AGPAT4: variants seen among roughly 807,000 people sequenced by gnomAD.
The protein encoded by AGPAT4 is 1-acyl-sn-glycerol-3-phosphate acyltransferase delta.
AGPAT4 carries 15 observed loss-of-function variants against 48.0 expected under a neutral mutation model. The ratio of observed to expected loss-of-function variants is 0.31; its 90% CI spans 0.21 to 0.48. The LOEUF (loss-of-function observed/expected upper bound fraction) is 0.48, where lower values mean the gene tolerates loss of function less well. Ranked by LOEUF, AGPAT4 falls within the 20% of genes least tolerant of loss-of-function variation. The pLI is 0.99. For missense variants in AGPAT4, 314 were observed against 482.5 expected, an observed-to-expected ratio of 0.65 and a Z score of 3.27; for synonymous variants, 178 against 198.7, an observed-to-expected ratio of 0.90 and a Z score of 0.88.
rs1312424849 is a variant in AGPAT4 at position 161,149,124 on chromosome 6, T to A, written c.767+63A>T. On this transcript the variant is annotated intron_variant, in intron 6 of 8. Transcript: ENST00000320285. The surrounding 1 kb of genome is among the most constrained non-coding windows in gnomAD (Gnocchi z 6.5). Reference sequence around the variant, plus strand: ...TCCCTGGAAGAAAGTCTCTAGGTCATTTGTGATGTGTTTACTTTGAAATGG... The same window carrying A: ...TCCCTGGAAGAAAGTCTCTAGGTCAATTGTGATGTGTTTACTTTGAAATGG... 1 of 1,574,624 alleles carries A rather than the reference T, an allele frequency of 6.4e-7. No individual in the cohort carries two copies. The highest frequency in any genetic ancestry group is 8.6e-7 in the Non-Finnish European group (1 of 1,162,800).
At chr6:161,268,856 A>G (rs1418249726) in intron 1 of AGPAT4, among the ~76,000 whole-genome samples, 1 of 152,190 alleles carries the variant, frequency 6.6e-6, no homozygotes, top group Non-Finnish European at 1.5e-5. Context: ...TCATGACATC[A>G]GAAAACACAG....
Position 161,165,540 on chromosome 6 carries a change from AATGTACACT to A in AGPAT4, c.348+699_348+707del. Reference sequence around the variant, plus strand: ...TTAGGACCTTTCCTAGCCCCAGACCAATGTACACTGTGTACACTGTGATTCCTACGGAAT... The same window carrying A: ...TTAGGACCTTTCCTAGCCCCAGACCAGTGTACACTGTGATTCCTACGGAAT... On this transcript the variant is annotated intron_variant, in intron 3 of 8. Transcript: ENST00000320285. The surrounding 1 kb of genome is among the most constrained non-coding windows in gnomAD (Gnocchi z 5.5). 1 of 1,241,338 alleles carries A rather than the reference AATGTACACT, an allele frequency of 8.1e-7. No homozygotes were observed. The highest frequency in any genetic ancestry group is 1.0e-6 in the Non-Finnish European group (1 of 958,036). The allele number at this position is 1,241,338 out of a possible 1,614,324, so 76.9% of individuals were successfully genotyped here.
rs535890546 is a variant in AGPAT4, at chr6:161,241,051, T to C, written c.-89-8749A>G. Among the ~76,000 whole-genome samples the C allele has an allele frequency of 3.9e-4, 59 of 151,942 alleles. 2 individuals are homozygous for C. In the South Asian group the frequency reaches 9.8e-3, roughly 25 times the overall value. On this transcript the variant is annotated intron_variant, in intron 1 of 8. Coordinates refer to ENST00000320285, the MANE Select transcript of AGPAT4 (RefSeq NM_020133.3). ...AAGCCGAGGTGGGTGGATCATGAGG[T>C]CAGGAGTTCGAGACAGCCTGGCCAA...
Position 161,195,934 on chromosome 6 carries a change from T to C in AGPAT4, c.179-29517A>G, listed in dbSNP as rs903120904. The stretch of plus-strand genomic sequence containing the variant: ...TCCGATCCTATCTTTTCCCAAAGCT[T>C]CCTGACATTGATCAGGCTCTCCCCA... On this transcript the variant is annotated intron_variant, in intron 2 of 8. Coordinates refer to ENST00000320285, the MANE Select transcript of AGPAT4 (RefSeq NM_020133.3). This position sits in a 1 kb window ranked among gnomAD's most constrained non-coding sequence, Gnocchi z 5.0. 1.3e-5 allele frequency among the ~76,000 whole-genome samples: 2 copies of C among 152,152 alleles called. No homozygotes were observed. Among genetic ancestry groups the C allele is most frequent in the African/African-American group, 4.8e-5 (2 of 41,428 alleles).
chr6:161,152,371 C>T (rs976059141), intron 5 of AGPAT4, among the ~76,000 whole-genome samples: 3 of 152,106 alleles, frequency 2.0e-5, no homozygotes, highest in Admixed American at 6.5e-5. Context: ...GGCGCTGGCC[C>T]GGGTGTGCAG....
In AGPAT4 at chr6:161,251,411, T is replaced by G. The variant is rs1884480; in HGVS notation, c.-89-19109A>C. ...CTATTCCTTTGATAGATGAGAAAGC[T>G]GACAGCTAGAGTGTTAAGTGACCTG... On this transcript the variant is annotated intron_variant, in intron 1 of 8. Coordinates refer to ENST00000320285, the MANE Select transcript of AGPAT4 (RefSeq NM_020133.3). This position sits in a 1 kb window ranked among gnomAD's most constrained non-coding sequence, Gnocchi z 4.6. Among the ~76,000 whole-genome samples, 25,648 of 152,186 alleles carry G rather than the reference T, an allele frequency of 0.17. 3,405 individuals carry two copies. Among genetic ancestry groups the G allele is most frequent in the African/African-American group, 0.36 (14,866 of 41,492 alleles).
intron 3 of AGPAT4, among the ~76,000 whole-genome samples, chr6:161,156,889 A>G (rs937302194): frequency 6.7e-6 from 1 of 149,298 alleles, no homozygotes; most frequent in Non-Finnish European, 1.5e-5. Context: ...GCAGTTAACT[A>G]GCCCAACCTA....
At position 161,144,409 on chromosome 6, in the gene AGPAT4, A is replaced by G; in HGVS notation, c.843+2115T>C. On this transcript the variant is annotated intron_variant, in intron 7 of 8. Transcript: ENST00000320285. This position sits in a 1 kb window ranked among gnomAD's most constrained non-coding sequence, Gnocchi z 6.6. Reference sequence around the variant, plus strand: ...TTTGGAGTAGATGATCACTTTGAGAACCCTACCAAGTTGAACACTATCATT... The same window carrying G: ...TTTGGAGTAGATGATCACTTTGAGAGCCCTACCAAGTTGAACACTATCATT... 5 of 335,312 alleles carry G rather than the reference A, an allele frequency of 1.5e-5. No individual in the cohort carries two copies. The highest frequency in any genetic ancestry group is 1.1e-4 in the South Asian group (5 of 44,226). The allele number at this position is 335,312 out of a possible 1,614,324, so 20.8% of individuals were successfully genotyped here.
At chr6:161,194,659 T>C (rs139233946) in intron 2 of AGPAT4, among the ~76,000 whole-genome samples, 432 of 151,690 alleles carry the variant, frequency 2.8e-3, no homozygotes, top group African/African-American at 9.5e-3. Flanking sequence ...TGTATGTATG[T>C]GTATGTGTGT....
Position 161,214,005 on chromosome 6 carries a change from T to C in AGPAT4, c.178+18031A>G, listed in dbSNP as rs1781581608. Among the ~76,000 whole-genome samples, 2 of 152,132 alleles carry C rather than the reference T, an allele frequency of 1.3e-5. No individual in the cohort carries two copies. Reference sequence around the variant, plus strand: ...AGGGAAAATTCAAGCTGGGAACTGTTTAGGGCAAACGTGCCACCCATTCTA... The same window carrying C: ...AGGGAAAATTCAAGCTGGGAACTGTCTAGGGCAAACGTGCCACCCATTCTA... On this transcript the variant is annotated intron_variant, in intron 2 of 8. Transcript: ENST00000320285. This position sits in a 1 kb window ranked among gnomAD's most constrained non-coding sequence, Gnocchi z 5.4.
At chr6:161,256,117 T>G (rs979502927) in intron 1 of AGPAT4, among the ~76,000 whole-genome samples, 10 of 152,088 alleles carry the variant, frequency 6.6e-5, no homozygotes, top group African/African-American at 2.2e-4. Context: ...TGGCAGGATG[T>G]TACTGCCCAC....
At chr6:161,273,012 C>G (rs1433503641) in intron 1 of AGPAT4, among the ~76,000 whole-genome samples, 1 of 152,142 alleles carries the variant, frequency 6.6e-6, no homozygotes, top group Non-Finnish European at 1.5e-5. Context: ...AATATTTAAG[C>G]TTTTAGGCAA....
In AGPAT4 at chr6:161,239,043, A is replaced by G. The variant is rs980478227; in HGVS notation, c.-89-6741T>C. 3.3e-5 allele frequency among the ~76,000 whole-genome samples: 5 copies of G among 152,218 alleles called. No individual in the cohort carries two copies. In the East Asian group the frequency reaches 9.6e-4, roughly 29 times the overall value. ...ATTAATACACATAAGAATATGTTAAAGTGCAAGCGAGACAAACGCTCTCAC... is the reference window on the plus strand; with the variant it reads ...ATTAATACACATAAGAATATGTTAAGGTGCAAGCGAGACAAACGCTCTCAC... On this transcript the variant is annotated intron_variant, in intron 1 of 8. Transcript: ENST00000320285.
At position 161,204,007 on chromosome 6, in the gene AGPAT4, G is replaced by T. The variant is rs1215204339; in HGVS notation, c.178+28029C>A. On this transcript the variant is annotated intron_variant, in intron 2 of 8. Coordinates refer to ENST00000320285, the MANE Select transcript of AGPAT4 (RefSeq NM_020133.3). This position sits in a 1 kb window ranked among gnomAD's most constrained non-coding sequence, Gnocchi z 4.4. ...AACAGTAGTAATAATCATAAAAATA[G>T]TTGTGACCTTGAAGCCAAAGCCACT... is the stretch of plus-strand genomic sequence containing the variant. Among the ~76,000 whole-genome samples the T allele has an allele frequency of 1.3e-5, 2 of 152,234 alleles. No homozygotes were observed. The highest frequency in any genetic ancestry group is 2.4e-5 in the African/African-American group (1 of 41,542).
chr6:161,166,105 A>G lies in AGPAT4; in HGVS notation c.348+143T>C, dbSNP rs1248835309. On this transcript the variant is annotated intron_variant, in intron 3 of 8. Coordinates refer to ENST00000320285, the MANE Select transcript of AGPAT4 (RefSeq NM_020133.3). The surrounding 1 kb of genome is among the most constrained non-coding windows in gnomAD (Gnocchi z 6.7). ...TAAGACTGACTCCCAGCAAGAATAA[A>G]AAGCAGTTTATTAGGACCATTTCAT... The G allele has an allele frequency of 8.9e-7, 1 of 1,118,568 alleles. No homozygotes were observed. The highest frequency in any genetic ancestry group is 1.3e-6 in the Non-Finnish European group (1 of 785,160). 69.3% of individuals were successfully genotyped at this position (1,118,568 alleles called of 1,614,324 possible).
In AGPAT4 at chr6:161,206,590, C is replaced by T. The variant is rs963338337; in HGVS notation, c.178+25446G>A. ...TAAAACAAGTTTAAGTAAGACCTAC[C>T]GTCTAATAACATAATTCTCCAAATG... is the stretch of plus-strand genomic sequence containing the variant. On this transcript the variant is annotated intron_variant, in intron 2 of 8. Transcript: ENST00000320285. The surrounding 1 kb of genome is among the most constrained non-coding windows in gnomAD (Gnocchi z 4.8). Among the ~76,000 whole-genome samples, 1 of 152,072 alleles carries T rather than the reference C, an allele frequency of 6.6e-6. No homozygotes were observed. The highest frequency in any genetic ancestry group is 2.4e-5 in the African/African-American group (1 of 41,404).
At chr6:161,250,771 CAT>C (rs1225557257) in intron 1 of AGPAT4, among the ~76,000 whole-genome samples, 5 of 152,106 alleles carry the variant, frequency 3.3e-5, no homozygotes, top group African/African-American at 9.7e-5. Flanking sequence ...CATTTCACTA[CAT>C]GTTTGTCAGC....
rs1583267827 is a variant in AGPAT4, at chr6:161,134,439, A to G, written c.*2101T>C. 6.6e-6 allele frequency: 1 copy of G among 152,200 alleles called. No homozygotes were observed. The highest frequency in any genetic ancestry group is 1.5e-5 in the Non-Finnish European group (1 of 68,028). 9.4% of individuals were successfully genotyped at this position (152,200 alleles called of 1,614,324 possible). Reference sequence around the variant, plus strand: ...TTTTAGTACGACAAGAAAATTTCTGAGCATTTTTGAGAGTAGCAACATAGA... The same window carrying G: ...TTTTAGTACGACAAGAAAATTTCTGGGCATTTTTGAGAGTAGCAACATAGA... On this transcript the variant is annotated 3_prime_UTR_variant, in exon 9 of 9. Coordinates refer to ENST00000320285, the MANE Select transcript of AGPAT4 (RefSeq NM_020133.3).
intron 2 of AGPAT4, among the ~76,000 whole-genome samples, chr6:161,173,805 C>A (rs1004421008): frequency 1.6e-4 from 25 of 152,160 alleles, no homozygotes; most frequent in Admixed American, 8.5e-4. Flanking sequence ...TTTAATCCAC[C>A]TTGAATTAAT....
Sources: gnomAD v4.1 joint callset for allele counts (sites outside exome capture counted in the v4.1 genomes callset) on GRCh38, gnomAD v4.1.1 for gene constraint, Gnocchi (gnomAD v3.1) non-coding constraint, MANE v1.5 for transcripts, NCBI Gene and HGNC (gene_info 2026-07-23, HGNC 2026-07-21) for gene names.